ZNF236: variants seen among roughly 807,000 people sequenced by gnomAD.
ZNF236 encodes zinc finger protein 236.
In ZNF236, 50 loss-of-function variants were observed where a neutral mutation model predicts 191.2. The ratio of observed to expected loss-of-function variants is 0.26; its 90% CI spans 0.21 to 0.33. The LOEUF is 0.33. ZNF236 is among the 10% of genes least tolerant of loss of function. The pLI, the probability that ZNF236 is intolerant of heterozygous loss-of-function variation, is 1.00. For missense variants in ZNF236, 1,754 were observed against 2,374.5 expected (o/e 0.74, Z 5.43); for synonymous variants, 907 against 928.8 (o/e 0.98, Z 0.43).
intron 1 of ZNF236, among the ~76,000 whole-genome samples, chr18:76,826,324 A>G (rs1208530557): frequency 7.2e-6 from 1 of 139,622 alleles, no homozygotes; most frequent in Non-Finnish European, 1.5e-5. Context: ...GGGTTTCACC[A>G]TGTTGATCAG....
At chr18:76,906,019 C>T (rs761390791) in intron 13 of ZNF236, among the ~76,000 whole-genome samples, 1 of 152,110 alleles carries the variant, frequency 6.6e-6, no homozygotes, top group African/African-American at 2.4e-5. Flanking sequence ...TACTGTAACA[C>T]CTGGGTAGGG....
chr18:76,836,605 T>A (rs987614255), intron 1 of ZNF236, among the ~76,000 whole-genome samples: 2 of 149,880 alleles, frequency 1.3e-5, no homozygotes, highest in Non-Finnish European at 3.0e-5. Context: ...TGAGACAGAG[T>A]TTTGCTCTGT....
At chr18:76,951,830 C>T (rs1281207736) in intron 27 of ZNF236, among the ~76,000 whole-genome samples, 1 of 152,176 alleles carries the variant, frequency 6.6e-6, no homozygotes, top group Non-Finnish European at 1.5e-5. Flanking sequence ...TGTGACTCTT[C>T]GTTTCACTTG....
chr18:76,875,349 C>A lies in ZNF236; in HGVS notation c.668-143C>A. 1 of 663,156 alleles carries A rather than the reference C, an allele frequency of 1.5e-6. No homozygotes were observed. The highest frequency in any genetic ancestry group is 2.2e-6 in the Non-Finnish European group (1 of 450,110). The allele number at this position is 663,156 out of a possible 1,614,324, so 41.1% of individuals were successfully genotyped here. A position where few individuals can be genotyped will look rare whatever the true frequency, so the allele number is the denominator to read the frequency against. ...TGTTAATTTTGAGATTTAAAGTAGACACTTGTATATATGCATCTAGAGTTC... is the reference window on the plus strand; with the variant it reads ...TGTTAATTTTGAGATTTAAAGTAGAAACTTGTATATATGCATCTAGAGTTC... On this transcript the variant is annotated intron_variant, in intron 5 of 30. Coordinates refer to ENST00000320610, the MANE Select transcript of ZNF236 (RefSeq NM_001306089.2). This position sits in a 1 kb window ranked among gnomAD's most constrained non-coding sequence, Gnocchi z 4.3.
chr18:76,949,965 G>GT (rs36040691), intron 27 of ZNF236, among the ~76,000 whole-genome samples: 4 of 151,460 alleles, frequency 2.6e-5, no homozygotes, highest in African/African-American at 9.7e-5. Flanking sequence ...CCAGCATTAC[G>GT]TTTTTTTTTT....
At chr18:76,944,619 A>C (rs1968213922) in intron 26 of ZNF236, among the ~76,000 whole-genome samples, 1 of 152,058 alleles carries the variant, frequency 6.6e-6, no homozygotes, top group African/African-American at 2.4e-5. Flanking sequence ...CGTCTCTCCT[A>C]AAATTACAAC....
chr18:76,918,481 C>T (rs1754028142), intron 19 of ZNF236, among the ~76,000 whole-genome samples: 1 of 152,202 alleles, frequency 6.6e-6, no homozygotes, highest in Non-Finnish European at 1.5e-5. Flanking sequence ...CAGGAGTACA[C>T]TGGCACAATC....
chr18:76,888,948 A>G (rs1350668783), intron 9 of ZNF236, among the ~76,000 whole-genome samples: 1 of 152,174 alleles, frequency 6.6e-6, no homozygotes, highest in Non-Finnish European at 1.5e-5. Context: ...CTTGCATGGG[A>G]GCTAATTGAA....
rs1977663121 is a variant in ZNF236 at position 76,903,635 on chromosome 18, C to A, written c.1895-745C>A. On this transcript the variant is annotated intron_variant, in intron 11 of 30. Transcript: ENST00000320610. The stretch of plus-strand genomic sequence containing the variant: ...AGCCCAAGGCTGATTAGAGGACTGA[C>A]TGCGTGTGTCACCCTCTTAACGTTC... 2.6e-5 allele frequency among the ~76,000 whole-genome samples: 4 copies of A among 152,212 alleles called. No individual in the cohort carries two copies. In the South Asian group the frequency reaches 8.3e-4, roughly 32 times the overall value.
At chr18:76,877,982 T>A in intron 6 of ZNF236, 27 bp from the exon 7 acceptor site, 1 of 1,513,640 alleles carries the variant, frequency 6.6e-7, no homozygotes, top group Non-Finnish European at 9.0e-7. Context: ...TTGTAAAACA[T>A]CATTTTTTTC....
intron 27 of ZNF236, among the ~76,000 whole-genome samples, chr18:76,948,650 C>T (rs999820314): frequency 6.6e-6 from 1 of 152,196 alleles, no homozygotes; most frequent in African/African-American, 2.4e-5. Context: ...TGAGGTCACA[C>T]GGACACTGCT....
At chr18:76,856,275 C>T (rs1216784978) in intron 3 of ZNF236, among the ~76,000 whole-genome samples, 7 of 152,182 alleles carry the variant, frequency 4.6e-5, no homozygotes, top group East Asian at 3.9e-4. Flanking sequence ...CTCTGCCTCC[C>T]GAGTTCAAGC....
chr18:76,905,430 G>C lies in ZNF236; in HGVS notation c.2297+15G>C, dbSNP rs746627696. On this transcript the variant is annotated intron_variant, in intron 13 of 30. Coordinates refer to ENST00000320610, the MANE Select transcript of ZNF236 (RefSeq NM_001306089.2). ...AAAACCCACAGGTGGGTGTAATTCT[G>C]GTGGTCACTTTTTATCATCTTTATA... is the stretch of plus-strand genomic sequence containing the variant. The C allele has an allele frequency of 1.9e-6, 3 of 1,608,812 alleles. No homozygotes were observed. Among genetic ancestry groups the C allele is most frequent in the South Asian group, 2.2e-5 (2 of 90,670 alleles).
chr18:76,969,108 T>C lies in ZNF236; in HGVS notation c.*769T>C, dbSNP rs1968856633. 1 of 505,546 alleles carries C rather than the reference T, an allele frequency of 2.0e-6. No homozygotes were observed. The highest frequency in any genetic ancestry group is 2.1e-5 in the African/African-American group (1 of 48,066). The allele number at this position is 505,546 out of a possible 1,614,324, so 31.3% of individuals were successfully genotyped here. Reference sequence around the variant, plus strand: ...TAATTGCAGAAGCACAAGCCATACATCGCAGGTAGGAAACCACAGAACCGT... The same window carrying C: ...TAATTGCAGAAGCACAAGCCATACACCGCAGGTAGGAAACCACAGAACCGT... On this transcript the variant is annotated 3_prime_UTR_variant, in exon 31 of 31. Coordinates refer to ENST00000320610, the MANE Select transcript of ZNF236 (RefSeq NM_001306089.2).
intron 3 of ZNF236, among the ~76,000 whole-genome samples, chr18:76,852,364 A>T (rs1293793618): frequency 1.3e-5 from 2 of 152,202 alleles, no homozygotes; most frequent in East Asian, 1.9e-4. Context: ...TCATTTCATG[A>T]TGGCCCAAAG....
At chr18:76,868,650 GT>G in intron 3 of ZNF236, 34 bp from the exon 4 acceptor site, 2 of 1,554,680 alleles carry the variant, frequency 1.3e-6, no homozygotes, top group Non-Finnish European at 1.7e-6. Context: ...GTTTTGAAAG[GT>G]TTGCTCTGCT....
chr18:76,967,475 G>A (rs1968806241), intron 30 of ZNF236, among the ~76,000 whole-genome samples: 2 of 73,982 alleles, frequency 2.7e-5, no homozygotes, highest in African/African-American at 9.5e-5. Flanking sequence ...GTGATTTGGT[G>A]TTAGGGGTGG....
intron 10 of ZNF236, 28 bp downstream of exon 10, chr18:76,895,313 G>A (rs1435724459): frequency 1.3e-6 from 2 of 1,593,518 alleles, no homozygotes; most frequent in Admixed American, 3.3e-5. Context: ...GGCCCACACG[G>A]GCACTGGCCA....
chr18:76,869,110 A>C (rs1306285955), intron 4 of ZNF236, among the ~76,000 whole-genome samples: 1 of 152,258 alleles, frequency 6.6e-6, no homozygotes, highest in African/African-American at 2.4e-5. Flanking sequence ...AGAACAGGAT[A>C]CTGGCAATAC....
Sources: allele counts gnomAD v4.1 joint callset (sites outside exome capture counted in the v4.1 genomes callset), GRCh38; gene constraint gnomAD v4.1.1; non-coding constraint Gnocchi (gnomAD v3.1); transcripts MANE v1.5; gene names NCBI Gene and HGNC (gene_info 2026-07-23, HGNC 2026-07-21).